Variants in UGT2A2 observed in about 807,000 individuals in gnomAD.
The protein encoded by UGT2A2 is UDP glucuronosyltransferase family 2 member A2, also known as UDP-glucuronosyltransferase 2A2.
In UGT2A2, 60 loss-of-function variants were observed where a neutral mutation model predicts 50.7. The ratio of observed to expected loss-of-function variants is 1.18; its 90% CI spans 0.96 to 1.47. The LOEUF (loss-of-function observed/expected upper bound fraction) is 1.47. UGT2A2 is among the 40% of genes most tolerant of loss of function. The pLI, the probability that UGT2A2 is intolerant of heterozygous loss-of-function variation, is 0.00. For missense variants in UGT2A2, 762 were observed against 634.0 expected (o/e 1.20, Z -2.17); for synonymous variants, 242 against 214.6 (o/e 1.13, Z -1.11).
chr4:69,636,799 A>G (rs1464920641), intron 1 of UGT2A2, among the ~76,000 whole-genome samples: 1 of 152,162 alleles, frequency 6.6e-6, no homozygotes, highest in African/African-American at 2.4e-5. Flanking sequence ...GAATAGCCAC[A>G]TATGATATCA....
chr4:69,596,112 C>T, intron 3 of UGT2A2, 138 bp downstream of exon 3: 1 of 1,237,184 alleles, frequency 8.1e-7, no homozygotes, highest in African/African-American at 1.5e-5. Context: ...TAATATATTA[C>T]ACAACGTTAC....
intron 5 of UGT2A2, among the ~76,000 whole-genome samples, chr4:69,593,400 G>A (rs1037158576): frequency 9.9e-5 from 15 of 151,746 alleles, no homozygotes; most frequent in Admixed American, 2.6e-4. Context: ...TTCAAAGCAG[G>A]AGTTCAACTA....
At chr4:69,635,134 A>C (rs1181792487) in intron 1 of UGT2A2, among the ~76,000 whole-genome samples, 2 of 152,174 alleles carry the variant, frequency 1.3e-5, no homozygotes, top group African/African-American at 4.8e-5. Flanking sequence ...AATAAAAATA[A>C]ATTTAAAAAG....
At chr4:69,609,568 T>G (rs1007711109) in intron 1 of UGT2A2, among the ~76,000 whole-genome samples, 1 of 152,120 alleles carries the variant, frequency 6.6e-6, no homozygotes, top group African/African-American at 2.4e-5. Context: ...AGTAAATGAA[T>G]TGAATAGTTT....
In UGT2A2 at chr4:69,589,264, G is replaced by T; in HGVS notation, c.*108C>A. ...AGAGAAATAGAAAATTTGGAAACAG[G>T]ATGGGAGACGTGTTTTTGTTAAACT... is the stretch of plus-strand genomic sequence containing the variant. On this transcript the variant is annotated 3_prime_UTR_variant, in exon 6 of 6. Transcript: ENST00000604629. The T allele has an allele frequency of 7.4e-7, 1 of 1,347,554 alleles. No homozygotes were observed. The highest frequency in any genetic ancestry group is 2.5e-5 in the East Asian group (1 of 39,336). The allele number at this position is 1,347,554 out of a possible 1,614,324, so 83.5% of individuals were successfully genotyped here.
chr4:69,628,503 G>A (rs890668609), intron 1 of UGT2A2, among the ~76,000 whole-genome samples: 1 of 151,494 alleles, frequency 6.6e-6, no homozygotes, highest in African/African-American at 2.4e-5. Context: ...TGAACAAAGA[G>A]TAGTCTCTTC....
In UGT2A2 at chr4:69,589,102, G is replaced by C; in HGVS notation, c.*270C>G. The C allele has an allele frequency of 3.5e-6, 1 of 287,852 alleles. No individual in the cohort carries two copies. Among genetic ancestry groups the C allele is most frequent in the African/African-American group, 2.2e-5 (1 of 46,136 alleles). 17.8% of individuals were successfully genotyped at this position (287,852 alleles called of 1,614,324 possible). A position where few individuals can be genotyped will look rare whatever the true frequency, so the allele number is the denominator to read the frequency against. On this transcript the variant is annotated 3_prime_UTR_variant, in exon 6 of 6. Coordinates refer to ENST00000604629, the MANE Select transcript of UGT2A2 (RefSeq NM_001105677.2). ...AATAGAACATATTTAAAATTAGGTA[G>C]TATCCTTGTGTCAGAAAAGTGACAG...
At chr4:69,606,707 A>G (rs1346479256) in intron 1 of UGT2A2, among the ~76,000 whole-genome samples, 1 of 137,100 alleles carries the variant, frequency 7.3e-6, no homozygotes, top group Non-Finnish European at 1.6e-5. Context: ...TTAAGCTGAT[A>G]AGCAACTTCA....
chr4:69,618,207 G>A (rs1215531961), intron 1 of UGT2A2, among the ~76,000 whole-genome samples: 100 of 72,792 alleles, frequency 1.4e-3, no homozygotes, highest in African/African-American at 3.3e-3. Context: ...GTGTGTGTGT[G>A]TGTGTGTGTA....
At chr4:69,634,818 G>A (rs1350526351) in intron 1 of UGT2A2, among the ~76,000 whole-genome samples, 1 of 152,146 alleles carries the variant, frequency 6.6e-6, no homozygotes, top group East Asian at 1.9e-4. Context: ...CACCCTTAAT[G>A]GTAAACAATG....
intron 5 of UGT2A2, among the ~76,000 whole-genome samples, chr4:69,591,530 T>C (rs1160431405): frequency 6.6e-6 from 1 of 152,044 alleles, no homozygotes; most frequent in Non-Finnish European, 1.5e-5. Flanking sequence ...AGAGAATAGG[T>C]TGTGAAACGT....
intron 1 of UGT2A2, among the ~76,000 whole-genome samples, chr4:69,607,311 A>C (rs1490967745): frequency 6.6e-6 from 1 of 151,454 alleles, no homozygotes; most frequent in East Asian, 1.9e-4. Flanking sequence ...AAAAACAAGA[A>C]ATGGGGAAAT....
chr4:69,602,247 A>T (rs1719337372), intron 1 of UGT2A2, among the ~76,000 whole-genome samples: 1 of 136,764 alleles, frequency 7.3e-6, no homozygotes. Flanking sequence ...AAATTCTATT[A>T]GTAAACTACA....
At chr4:69,597,758 G>A (rs1035048713) in intron 2 of UGT2A2, among the ~76,000 whole-genome samples, 10 of 150,888 alleles carry the variant, frequency 6.6e-5, no homozygotes, top group Admixed American at 1.3e-4. Flanking sequence ...ACACACAAAC[G>A]TACACATCTA....
At position 69,596,330 on chromosome 4, in the gene UGT2A2, A is replaced by G. The variant is rs764403809; in HGVS notation, c.943T>C (p.Ser315Pro). 7 of 1,607,916 alleles carry G rather than the reference A, an allele frequency of 4.4e-6. No homozygotes were observed. The Admixed American group carries it at 8.4e-5, about 19-fold the overall frequency. ...SSGKNGVVVF[S>P]LGSMVKNLTE... ...AGGTTTTTGACCATTGATCCCAGAGAAAACACCACAACACCATTTTTACCT... is the reference window on the plus strand; with the variant it reads ...AGGTTTTTGACCATTGATCCCAGAGGAAACACCACAACACCATTTTTACCT... Residue 315 changes from serine (S) to proline (P), a missense_variant, in exon 3 of 6, where the codon TCT becomes CCT. Physicochemically the swap from Ser to Pro is moderately conservative, Grantham distance 74. Coordinates refer to ENST00000604629, the MANE Select transcript of UGT2A2 (RefSeq NM_001105677.2).
intron 1 of UGT2A2, among the ~76,000 whole-genome samples, chr4:69,620,801 CAAAG>C (rs1242779819): frequency 1.3e-5 from 2 of 151,682 alleles, no homozygotes. Flanking sequence ...GAAACATAGA[CAAAG>C]GAAACAGAAT....
intron 1 of UGT2A2, among the ~76,000 whole-genome samples, chr4:69,619,739 A>T (rs1720632304): frequency 6.6e-6 from 1 of 152,056 alleles, no homozygotes; most frequent in South Asian, 2.1e-4. Flanking sequence ...ATGAATATTG[A>T]TGCAAAAATC....
rs771539672 is a variant in UGT2A2 at position 69,639,141 on chromosome 4, A to G, written c.500T>C (p.Leu167Pro). Residue 167 changes from leucine (L) to proline (P), a missense_variant, in exon 1 of 6, where the codon CTT becomes CCT. Coordinates refer to ENST00000604629, the MANE Select transcript of UGT2A2 (RefSeq NM_001105677.2). ...TGGAATTCCTAATTTCAGAGCAACAAGATCACCACAGATTGTTACTGGGTC... is the reference window on the plus strand; with the variant it reads ...TGGAATTCCTAATTTCAGAGCAACAGGATCACCACAGATTGTTACTGGGTC... ...VADPVTICGD[L>P]VALKLGIPFM... is the part of the protein sequence containing the mutation. 6.2e-6 allele frequency: 10 copies of G among 1,613,594 alleles called. No individual in the cohort carries two copies. Among genetic ancestry groups the G allele is most frequent in the Admixed American group, 5.0e-5 (3 of 59,968 alleles).
At chr4:69,597,613 AT>A (rs952577562) in intron 2 of UGT2A2, among the ~76,000 whole-genome samples, 1 of 152,132 alleles carries the variant, frequency 6.6e-6, no homozygotes, top group Non-Finnish European at 1.5e-5. Flanking sequence ...ATAGATTGCT[AT>A]TTTTGGCTTA....
Sources: gnomAD v4.1 joint callset for allele counts (sites outside exome capture counted in the v4.1 genomes callset) on GRCh38, gnomAD v4.1.1 for gene constraint, MANE v1.5 for transcripts, NCBI Gene and HGNC (gene_info 2026-07-23, HGNC 2026-07-21) for gene names.